Variants in MYOM3 observed in about 807,000 individuals in gnomAD.
MYOM3 encodes the protein myomesin 3.
MYOM3 carries 155 observed loss-of-function variants against 191.7 expected under a neutral mutation model. That is an observed-to-expected ratio of 0.81 (90% CI 0.71 to 0.92). MYOM3 has a LOEUF of 0.92. MYOM3 is among the 40% of genes least tolerant of loss of function. The probability of loss-of-function intolerance (pLI) is 0.00; values close to 1 mark genes in which losing one functional copy is unlikely to be tolerated. For missense variants in MYOM3, 1,889 were observed against 1,890.6 expected (o/e 1.00, Z 0.02); for synonymous variants, 757 against 762.9 (o/e 0.99, Z 0.13).
chr1:24,103,236 G>A (rs1031140250), intron 5 of MYOM3, among the ~76,000 whole-genome samples: 2 of 152,266 alleles, frequency 1.3e-5, no homozygotes, highest in Admixed American at 6.5e-5. Flanking sequence ...CACTTGGCCT[G>A]GCCAGCGCTG....
In MYOM3 at chr1:24,061,997, T is replaced by C; in HGVS notation, c.3883A>G (p.Ile1295Val). 2 of 1,614,220 alleles carry C rather than the reference T, an allele frequency of 1.2e-6. No homozygotes were observed. The highest frequency in any genetic ancestry group is 1.6e-4 in the Middle Eastern group (1 of 6,062). ...TGCCGGACTTCCTTCCCTGCAGCTA[T>C]TTCCAGAGTGTATTTGCCCTTGTCT... ...DSDKGKYTLEIAAGKEVRQLS... is the reference protein window; with the variant it reads ...DSDKGKYTLEVAAGKEVRQLS... The change falls in exon 33 of 37, where the codon ATA becomes GTA. Residue 1295 changes from isoleucine to valine, a missense_variant. Ile to Val is a conservative substitution (Grantham distance 29, BLOSUM62 3). Coordinates refer to ENST00000374434, the MANE Select transcript of MYOM3 (RefSeq NM_152372.4).
Position 24,097,966 on chromosome 1 carries a change from G to A in MYOM3, c.702C>T (p.Asn234=), listed in dbSNP as rs371079489. Residue 234 remains asparagine (N), a synonymous_variant, in exon 7 of 37, where the codon AAC becomes AAT. Transcript: ENST00000374434. ...DSATYTVRVK[N]AHGQASSFAK... Reference sequence around the variant, plus strand: ...CGAAGGAGGAGGCCTGGCCGTGGGCGTTCTTCACTCGCACAGTGTAAGTTG... The same window carrying A: ...CGAAGGAGGAGGCCTGGCCGTGGGCATTCTTCACTCGCACAGTGTAAGTTG... 69 of 1,613,982 alleles carry A rather than the reference G, an allele frequency of 4.3e-5. No individual in the cohort carries two copies. Among genetic ancestry groups the A allele is most frequent in the African/African-American group, 1.1e-4 (8 of 75,046 alleles).
At chr1:24,088,230 C>T (rs879548268) in intron 14 of MYOM3, among the ~76,000 whole-genome samples, 8 of 152,110 alleles carry the variant, frequency 5.3e-5, no homozygotes, top group Non-Finnish European at 1.0e-4. Flanking sequence ...ACTGATTCCA[C>T]GCTCTGTGGT....
intron 14 of MYOM3, among the ~76,000 whole-genome samples, chr1:24,088,477 C>G (rs980161047): frequency 6.6e-6 from 1 of 152,186 alleles, no homozygotes; most frequent in South Asian, 2.1e-4. Flanking sequence ...CCCAAGGTCA[C>G]GCAGCTGGTA....
At chr1:24,090,186 A>G (rs1168613290) in intron 12 of MYOM3, 68 bp from the exon 13 acceptor site, 14 of 1,304,280 alleles carry the variant, frequency 1.1e-5, no homozygotes, top group Non-Finnish European at 3.3e-6. Flanking sequence ...GAGCTACCCC[A>G]CACCAGGGTC....
intron 22 of MYOM3, among the ~76,000 whole-genome samples, chr1:24,074,630 G>A (rs767918373): frequency 1.5e-4 from 23 of 152,206 alleles, no homozygotes; most frequent in Non-Finnish European, 3.4e-4. Context: ...TGGTCATCTG[G>A]TCCAACTCTG....
intron 5 of MYOM3, among the ~76,000 whole-genome samples, chr1:24,103,801 C>T (rs1643959147): frequency 6.6e-6 from 1 of 151,062 alleles, no homozygotes; most frequent in East Asian, 1.9e-4. Context: ...AATATGCTTC[C>T]CCCTGCACAG....
intron 19 of MYOM3, among the ~76,000 whole-genome samples, 153 bp from the exon 20 acceptor site, chr1:24,080,347 G>A (rs762257427): frequency 7.9e-5 from 12 of 152,164 alleles, no homozygotes; most frequent in Non-Finnish European, 1.6e-4. Flanking sequence ...CGCCAAGCCC[G>A]GGCCAACCTT....
intron 5 of MYOM3, among the ~76,000 whole-genome samples, chr1:24,104,528 T>C (rs1369582886): frequency 6.6e-6 from 1 of 152,182 alleles, no homozygotes; most frequent in Non-Finnish European, 1.5e-5. Context: ...CAGGCTGAAG[T>C]GCAGTGGCAC....
At chr1:24,074,853 G>A (rs1643576791) in intron 22 of MYOM3, among the ~76,000 whole-genome samples, 1 of 152,202 alleles carries the variant, frequency 6.6e-6, no homozygotes, top group East Asian at 1.9e-4. Flanking sequence ...GGGAGGCTGA[G>A]TGGGGAGGAT....
rs1345303340 is a variant in MYOM3, at chr1:24,082,684, C to T, written c.2001G>A (p.Lys667=). 1 of 1,611,464 alleles carries T rather than the reference C, an allele frequency of 6.2e-7. No individual in the cohort carries two copies. The highest frequency in any genetic ancestry group is 1.7e-5 in the Admixed American group (1 of 59,682). The change falls in exon 17 of 37, where the codon AAG becomes AAA. Residue 667 remains lysine, a synonymous_variant. Transcript: ENST00000374434. ...RFTVPGLRTG[K]EYEFCVRSVS... ...CTGACCTGACACAAAACTCGTACTC[C>T]TTCCCCGTCCTCAGCCCGGGAACTG... is the stretch of plus-strand genomic sequence containing the variant.
intron 28 of MYOM3, 159 bp from the exon 29 acceptor site, chr1:24,066,160 C>G: frequency 1.4e-6 from 1 of 723,064 alleles, no homozygotes; most frequent in Non-Finnish European, 2.6e-6. Context: ...ATGGTTTTCC[C>G]TCTGCCTCTT....
intron 27 of MYOM3, among the ~76,000 whole-genome samples, 166 bp from the exon 28 acceptor site, chr1:24,067,254 G>A (rs1643448551): frequency 2.7e-5 from 4 of 150,758 alleles, no homozygotes; most frequent in Admixed American, 2.6e-4. Context: ...GGTGCTCAGA[G>A]CGCAAATTTC....
intron 23 of MYOM3, among the ~76,000 whole-genome samples, chr1:24,073,579 A>G (rs1243958407): frequency 1.3e-5 from 2 of 152,144 alleles, no homozygotes; most frequent in Non-Finnish European, 2.9e-5. Context: ...AAAGTGGGAA[A>G]ACAGGCTGGG....
At position 24,071,120 on chromosome 1, in the gene MYOM3, C is replaced by T; in HGVS notation, c.3147G>A (p.Ser1049=). 2 of 1,613,482 alleles carry T rather than the reference C, an allele frequency of 1.2e-6. No individual in the cohort carries two copies. Among genetic ancestry groups the T allele is most frequent in the East Asian group, 2.2e-5 (1 of 44,842 alleles). Residue 1049 remains serine, a synonymous_variant, in exon 25 of 37, where the codon TCG becomes TCA. Transcript: ENST00000374434. ...GGGATTGTGAGCACCCAATTACCGGCGAGCTGAAGATCTCCTTGTTGTTGA... is the reference window on the plus strand; with the variant it reads ...GGGATTGTGAGCACCCAATTACCGGTGAGCTGAAGATCTCCTTGTTGTTGA... ...LIFNNKEIFS[S]PNRKINFDRE...
At chr1:24,092,148 C>G (rs1270773045) in intron 11 of MYOM3, 26 bp downstream of exon 11, 4 of 1,435,370 alleles carry the variant, frequency 2.8e-6, no homozygotes, top group Non-Finnish European at 3.7e-6. Flanking sequence ...CCCCTAGGGC[C>G]TCTGCCACTC....
At chr1:24,091,161 C>A (rs1025122914) in intron 11 of MYOM3, among the ~76,000 whole-genome samples, 165 bp from the exon 12 acceptor site, 6 of 152,200 alleles carry the variant, frequency 3.9e-5, no homozygotes, top group African/African-American at 1.2e-4. Context: ...CCTCGGGCCC[C>A]CGGGAGACCT....
intron 22 of MYOM3, among the ~76,000 whole-genome samples, chr1:24,074,519 C>T (rs1055367016): frequency 1.3e-5 from 2 of 152,218 alleles, no homozygotes; most frequent in African/African-American, 4.8e-5. Context: ...CCCTGACTTC[C>T]TCCAGGGCTT....
At chr1:24,073,507 A>G (rs1364336582) in intron 23 of MYOM3, among the ~76,000 whole-genome samples, 3 of 152,078 alleles carry the variant, frequency 2.0e-5, no homozygotes, top group South Asian at 4.1e-4. Context: ...TCACACTTGC[A>G]CTGTTGTTTT....
Sources: allele counts gnomAD v4.1 joint callset (sites outside exome capture counted in the v4.1 genomes callset), GRCh38; gene constraint gnomAD v4.1.1; transcripts MANE v1.5; gene names NCBI Gene and HGNC (gene_info 2026-07-23, HGNC 2026-07-21).